The following JPH4 variants were observed in gnomAD, a reference collection of about 807,000 sequenced individuals.
The protein encoded by JPH4 is junctophilin-4.
JPH4 carries 18 observed loss-of-function variants against 57.6 expected under a neutral mutation model. The observed-to-expected ratio is 0.31, with a 90% CI of 0.22 to 0.46. The LOEUF is 0.46. Ranked by LOEUF, JPH4 falls within the 20% of genes least tolerant of loss-of-function variation. The probability of loss-of-function intolerance (pLI) is 1.00; values close to 1 mark genes in which losing one functional copy is unlikely to be tolerated. For missense variants in JPH4, 727 were observed against 911.1 expected (o/e 0.80, Z 2.60); for synonymous variants, 425 against 406.6 (o/e 1.05, Z -0.54).
At position 23,577,265 on chromosome 14, in the gene JPH4, G is replaced by A. The variant is rs1186712456; in HGVS notation, c.189C>T (p.Gly63=). The A allele has an allele frequency of 3.3e-6, 5 of 1,537,532 alleles. No individual in the cohort carries two copies. The South Asian group carries it at 4.8e-5, about 15-fold the overall frequency. ...FTGPGGHSYQ[G]HWQQGKREGL... ...CTTCGCGCTTGCCCTGCTGCCAGTG[G>A]CCCTGGTAGCTGTGTCCGCCGGGCC... is the stretch of plus-strand genomic sequence containing the variant. Residue 63 remains glycine, a synonymous_variant, in exon 2 of 6, where the codon GGC becomes GGT. Transcript: ENST00000356300. The surrounding 1 kb of genome is among the most constrained non-coding windows in gnomAD (Gnocchi z 8.4).
Position 23,571,150 on chromosome 14 carries a change from G to A in JPH4, c.1581C>T (p.Asp527=), listed in dbSNP as rs775876728. 17 of 1,613,964 alleles carry A rather than the reference G, an allele frequency of 1.1e-5. No individual in the cohort carries two copies. Among genetic ancestry groups the A allele is most frequent in the Middle Eastern group, 1.6e-4 (1 of 6,082 alleles). The change falls in exon 5 of 6, where the codon GAC becomes GAT. Residue 527 remains aspartate, a synonymous_variant. Transcript: ENST00000356300. The surrounding 1 kb of genome is among the most constrained non-coding windows in gnomAD (Gnocchi z 4.6). ...TGCAGCCTCCGAGGAGTGGGGAACC[G>A]TCTCTGGGCCCTGGCCCTTGCATCC... ...EAGMQGPGPR[D]GSPLLGGCSD... is the part of the protein sequence containing the mutation.
Position 23,576,362 on chromosome 14 carries a change from G to C in JPH4, c.474C>G (p.Pro158=). The change falls in exon 3 of 6, where the codon CCC becomes CCG. Residue 158 remains proline (P), a synonymous_variant. Transcript: ENST00000356300. This position sits in a 1 kb window ranked among gnomAD's most constrained non-coding sequence, Gnocchi z 8.0. ...PYHQAALLRS[P]RRTSLDSGHS... is the part of the protein sequence containing the mutation. ...GGCCGGAATCCAGGGAGGTGCGGCG[G>C]GGCGAGCGCAGCAGCGCCGCCTGAT... 1.5e-6 allele frequency: 2 copies of C among 1,339,024 alleles called. No individual in the cohort carries two copies. The highest frequency in any genetic ancestry group is 1.9e-6 in the Non-Finnish European group (2 of 1,049,322). 82.9% of individuals were successfully genotyped at this position (1,339,024 alleles called of 1,614,324 possible).
At chr14:23,573,291 C>A (rs1889197185) in intron 3 of JPH4, among the ~76,000 whole-genome samples, 1 of 152,230 alleles carries the variant, frequency 6.6e-6, no homozygotes, top group Non-Finnish European at 1.5e-5. Context: ...CGTGGCTCTT[C>A]TGTCTTAGGA....
rs61977723 is a variant in JPH4 at position 23,568,849 on chromosome 14, G to C, written c.*785C>G. 1 of 971,154 alleles carries C rather than the reference G, an allele frequency of 1.0e-6. No homozygotes were observed. The highest frequency in any genetic ancestry group is 1.8e-5 in the African/African-American group (1 of 56,930). The allele number at this position is 971,154 out of a possible 1,614,324, so 60.2% of individuals were successfully genotyped here. A position where few individuals can be genotyped will look rare whatever the true frequency, so the allele number is the denominator to read the frequency against. On this transcript the variant is annotated 3_prime_UTR_variant, in exon 6 of 6. Coordinates refer to ENST00000356300, the MANE Select transcript of JPH4 (RefSeq NM_001146028.2). ...TGGGAGAAGTCAGTGGCAAAGTCTG[G>C]GCAGGGTGGACTTGACTGCATTGGA...
At position 23,571,307 on chromosome 14, in the gene JPH4, G is replaced by C; in HGVS notation, c.1424C>G (p.Ala475Gly). The C allele has an allele frequency of 6.3e-7, 1 of 1,596,278 alleles. No individual in the cohort carries two copies. Among genetic ancestry groups the C allele is most frequent in the Non-Finnish European group, 8.5e-7 (1 of 1,172,010 alleles). ...TCCAGGAGGCAGTGGGCTCCGGCAG[G>C]CAGGGGGTCGCCAGGGTTGGCGGGA... is the stretch of plus-strand genomic sequence containing the variant. ...ASSRQPWRPP[A>G]CRSPLPPGGD... The change falls in exon 5 of 6, where the codon GCC becomes GGC. Residue 475 changes from alanine (A) to glycine (G), a missense_variant. Physicochemically the swap from Ala to Gly is moderately conservative, Grantham distance 60 (BLOSUM62 0). Coordinates refer to ENST00000356300, the MANE Select transcript of JPH4 (RefSeq NM_001146028.2). This position sits in a 1 kb window ranked among gnomAD's most constrained non-coding sequence, Gnocchi z 4.6.
Position 23,576,926 on chromosome 14 carries a change from A to G in JPH4, c.379+149T>C. ...AAGCATAATCATGGTGGGAGAGAGC[A>G]GAAATTGGGGGCTGGGGGTCACATC... is the stretch of plus-strand genomic sequence containing the variant. On this transcript the variant is annotated intron_variant, in intron 2 of 5. Transcript: ENST00000356300. This position sits in a 1 kb window ranked among gnomAD's most constrained non-coding sequence, Gnocchi z 8.0. 1.1e-6 allele frequency: 1 copy of G among 916,232 alleles called. No individual in the cohort carries two copies. The highest frequency in any genetic ancestry group is 1.5e-6 in the Non-Finnish European group (1 of 646,728). 56.8% of individuals were successfully genotyped at this position (916,232 alleles called of 1,614,324 possible).
chr14:23,568,529 T>C lies in JPH4; in HGVS notation c.*1105A>G. The C allele has an allele frequency of 2.0e-6, 2 of 985,758 alleles. No individual in the cohort carries two copies. The highest frequency in any genetic ancestry group is 2.4e-6 in the Non-Finnish European group (2 of 829,960). 61.1% of individuals were successfully genotyped at this position (985,758 alleles called of 1,614,324 possible). ...TATCTTTGATCCCCTCCTTCTGTTG[T>C]TTTCCCATTTCACAAGATTCTGATG... On this transcript the variant is annotated 3_prime_UTR_variant, in exon 6 of 6. Coordinates refer to ENST00000356300, the MANE Select transcript of JPH4 (RefSeq NM_001146028.2).
chr14:23,574,230 A>G (rs377672604), intron 3 of JPH4, among the ~76,000 whole-genome samples: 1 of 150,170 alleles, frequency 6.7e-6, no homozygotes, highest in African/African-American at 2.5e-5. Flanking sequence ...GCTAGAGTGC[A>G]GTGGCGTGGT....
Position 23,576,467 on chromosome 14 carries a change from C to G in JPH4, c.380-11G>C, listed in dbSNP as rs761562737. The G allele has an allele frequency of 2.9e-6, 4 of 1,401,102 alleles. No homozygotes were observed. The Admixed American group carries it at 9.2e-5, about 32-fold the overall frequency. The allele number at this position is 1,401,102 out of a possible 1,614,324, so 86.8% of individuals were successfully genotyped here. ...GGCCCTGGTAGGTGCCTGCGGGCGG[C>G]GGAGGGGTGGGAGAAAGAGTCAGGA... On this transcript the variant is annotated splice_polypyrimidine_tract_variant and intron_variant, in intron 2 of 5. Coordinates refer to ENST00000356300, the MANE Select transcript of JPH4 (RefSeq NM_001146028.2). This position sits in a 1 kb window ranked among gnomAD's most constrained non-coding sequence, Gnocchi z 8.0.
At chr14:23,574,590 G>A (rs767413461) in intron 3 of JPH4, among the ~76,000 whole-genome samples, 1 of 152,200 alleles carries the variant, frequency 6.6e-6, no homozygotes, top group Non-Finnish European at 1.5e-5. Flanking sequence ...TTTAAGGGGC[G>A]GTCCCGTGCT....
In JPH4 at chr14:23,575,988, G is replaced by A. The variant is rs758978037; in HGVS notation, c.848C>T (p.Ala283Val). Residue 283 changes from alanine (A) to valine (V), a missense_variant, in exon 3 of 6, where the codon GCG becomes GTG. Physicochemically the swap from Ala to Val is moderately conservative, Grantham distance 64 (BLOSUM62 0). This residue lies in a region of JPH4 where 112 missense variants were observed against 199.4 expected (regional missense o/e 0.56). Coordinates refer to ENST00000356300, the MANE Select transcript of JPH4 (RefSeq NM_001146028.2). The surrounding 1 kb of genome is among the most constrained non-coding windows in gnomAD (Gnocchi z 6.9). ...LIEGSATEVYAGEWRADRRSG... is the reference protein window; with the variant it reads ...LIEGSATEVYVGEWRADRRSG... ...GCGCCGATCTGCGCGCCACTCGCCC[G>A]CGTACACCTCTGTGGCCGAGCCCTC... 4.0e-6 allele frequency: 6 copies of A among 1,499,660 alleles called. No homozygotes were observed. Among genetic ancestry groups the A allele is most frequent in the Non-Finnish European group, 2.6e-6 (3 of 1,135,844 alleles). The allele number at this position is 1,499,660 out of a possible 1,614,324, so 92.9% of individuals were successfully genotyped here. A position where few individuals can be genotyped will look rare whatever the true frequency, so the allele number is the denominator to read the frequency against.
chr14:23,568,056 T>A lies in JPH4; in HGVS notation c.*1578A>T. Reference sequence around the variant, plus strand: ...CCCCCCCTTTTTTGAACTTTTTTATTAATATATTTTTTTTGTTAAATTTCT... The same window carrying A: ...CCCCCCCTTTTTTGAACTTTTTTATAAATATATTTTTTTTGTTAAATTTCT... On this transcript the variant is annotated 3_prime_UTR_variant, in exon 6 of 6. Transcript: ENST00000356300. The A allele has an allele frequency of 1.0e-6, 1 of 983,756 alleles. No individual in the cohort carries two copies. The highest frequency in any genetic ancestry group is 1.2e-6 in the Non-Finnish European group (1 of 828,010). The allele number at this position is 983,756 out of a possible 1,614,324, so 60.9% of individuals were successfully genotyped here. A position where few individuals can be genotyped will look rare whatever the true frequency, so the allele number is the denominator to read the frequency against.
In JPH4 at chr14:23,576,204, C is replaced by G; in HGVS notation, c.632G>C (p.Arg211Pro). The G allele has an allele frequency of 7.8e-7, 1 of 1,284,116 alleles. No individual in the cohort carries two copies. Among genetic ancestry groups the G allele is most frequent in the African/African-American group, 1.5e-5 (1 of 64,640 alleles). 79.5% of individuals were successfully genotyped at this position (1,284,116 alleles called of 1,614,324 possible). ...AAAGAATCCGCCGGCCGCCGGAGTG[C>G]GCTTTCGGGACGACGCGCCGTCGGC... is the stretch of plus-strand genomic sequence containing the variant. Reference protein sequence around the residue: ...GDADGASSRKRTPAAGGFFRR... With the variant: ...GDADGASSRKPTPAAGGFFRR... The change falls in exon 3 of 6, where the codon CGC becomes CCC. Residue 211 changes from arginine (R) to proline (P), a missense_variant. Arg to Pro is a moderately radical substitution (Grantham distance 103). This residue lies in a region of JPH4 where 131 missense variants were observed against 156.5 expected (regional missense o/e 0.84). Transcript: ENST00000356300. This position sits in a 1 kb window ranked among gnomAD's most constrained non-coding sequence, Gnocchi z 8.0.
intron 3 of JPH4, chr14:23,572,962 C>T (rs552590147): frequency 1.7e-5 from 12 of 702,434 alleles, no homozygotes; most frequent in Admixed American, 1.2e-4. Context: ...TGCTGTTAAT[C>T]GTAGATGCCT....
chr14:23,575,810 G>T lies in JPH4; in HGVS notation c.1026C>A (p.Arg342=). The stretch of plus-strand genomic sequence containing the variant: ...GGGCCAGAGGCAGGAGACTGCGGAC[G>T]CGCCCGCCGTGCACCAGCCGGTTGC... ...YKRNRLVHGG[R]VRSLLPLALR... Residue 342 remains arginine (R), a synonymous_variant, in exon 3 of 6, where the codon CGC becomes CGA. Transcript: ENST00000356300. The surrounding 1 kb of genome is among the most constrained non-coding windows in gnomAD (Gnocchi z 6.9). 1 of 1,579,350 alleles carries T rather than the reference G, an allele frequency of 6.3e-7. No individual in the cohort carries two copies. The highest frequency in any genetic ancestry group is 8.6e-7 in the Non-Finnish European group (1 of 1,165,230).
Position 23,570,953 on chromosome 14 carries a change from G to C in JPH4, c.1778C>G (p.Ala593Gly), listed in dbSNP as rs746784634. 5 of 1,518,108 alleles carry C rather than the reference G, an allele frequency of 3.3e-6. No individual in the cohort carries two copies. The South Asian group carries it at 5.3e-5, about 16-fold the overall frequency. The allele number at this position is 1,518,108 out of a possible 1,614,324, so 94.0% of individuals were successfully genotyped here. The change falls in exon 5 of 6, where the codon GCT becomes GGT. Residue 593 changes from alanine to glycine, a missense_variant. Physicochemically the swap from Ala to Gly is moderately conservative, Grantham distance 60. Around this residue, in one of 7 missense-constraint regions of JPH4, gnomAD observed 293 missense variants for 279.8 expected, o/e 1.05. Coordinates refer to ENST00000356300, the MANE Select transcript of JPH4 (RefSeq NM_001146028.2). ...CGGCTGGGCAGGCCTCTCGGTTGCAGCGGGCTCCCCGAGCTCTTCTGTCAG... is the reference window on the plus strand; with the variant it reads ...CGGCTGGGCAGGCCTCTCGGTTGCACCGGGCTCCCCGAGCTCTTCTGTCAG... ...GCLTEELGEP[A>G]ATERPAQPGA... is the part of the protein sequence containing the mutation.
rs1420031965 is a variant in JPH4, at chr14:23,578,000, A to G, written c.-172+180T>C. 1 of 143,492 alleles carries G rather than the reference A, an allele frequency of 7.0e-6. No homozygotes were observed. Among genetic ancestry groups the G allele is most frequent in the African/African-American group, 2.6e-5 (1 of 38,722 alleles). The allele number at this position is 143,492 out of a possible 1,614,324, so 8.9% of individuals were successfully genotyped here. On this transcript the variant is annotated intron_variant, in intron 1 of 5. Coordinates refer to ENST00000356300, the MANE Select transcript of JPH4 (RefSeq NM_001146028.2). This position sits in a 1 kb window ranked among gnomAD's most constrained non-coding sequence, Gnocchi z 8.4. ...GCCCCGGTTCTTCGGCGTCTCTGGCAAAGGGATGGGGGTGGGGGGTAGAAT... is the reference window on the plus strand; with the variant it reads ...GCCCCGGTTCTTCGGCGTCTCTGGCGAAGGGATGGGGGTGGGGGGTAGAAT...
Position 23,571,591 on chromosome 14 carries a change from C to G in JPH4, c.1271-131G>C, listed in dbSNP as rs777488704. On this transcript the variant is annotated intron_variant, in intron 4 of 5. Coordinates refer to ENST00000356300, the MANE Select transcript of JPH4 (RefSeq NM_001146028.2). This position sits in a 1 kb window ranked among gnomAD's most constrained non-coding sequence, Gnocchi z 4.6. ...GCTCATAGCCTCTCACCGCCAGACCCCAAACCCCCCATTATCCTACTGCAT... is the reference window on the plus strand; with the variant it reads ...GCTCATAGCCTCTCACCGCCAGACCGCAAACCCCCCATTATCCTACTGCAT... 8.4e-7 allele frequency: 1 copy of G among 1,184,640 alleles called. No individual in the cohort carries two copies. The highest frequency in any genetic ancestry group is 1.2e-6 in the Non-Finnish European group (1 of 840,290). 73.4% of individuals were successfully genotyped at this position (1,184,640 alleles called of 1,614,324 possible). A position where few individuals can be genotyped will look rare whatever the true frequency, so the allele number is the denominator to read the frequency against.
Position 23,576,199 on chromosome 14 carries a change from G to A in JPH4, c.637C>T (p.Pro213Ser), listed in dbSNP as rs1019468512. 3 of 1,288,512 alleles carry A rather than the reference G, an allele frequency of 2.3e-6. No homozygotes were observed. Among genetic ancestry groups the A allele is most frequent in the Admixed American group, 4.0e-5 (1 of 24,950 alleles). The allele number at this position is 1,288,512 out of a possible 1,614,324, so 79.8% of individuals were successfully genotyped here. The change falls in exon 3 of 6, where the codon CCG becomes TCG. Residue 213 changes from proline to serine, a missense_variant. Pro to Ser is a moderately conservative substitution (Grantham distance 74). Transcript: ENST00000356300. The surrounding 1 kb of genome is among the most constrained non-coding windows in gnomAD (Gnocchi z 8.0). ...CGGCGAAAGAATCCGCCGGCCGCCG[G>A]AGTGCGCTTTCGGGACGACGCGCCG... ...ADGASSRKRTPAAGGFFRRSL... is the reference protein window; with the variant it reads ...ADGASSRKRTSAAGGFFRRSL...
Sources: allele counts gnomAD v4.1 joint callset (sites outside exome capture counted in the v4.1 genomes callset), GRCh38; gene constraint gnomAD v4.1.1; regional missense constraint gnomAD v4.1.1; non-coding constraint Gnocchi (gnomAD v3.1); transcripts MANE v1.5; gene names NCBI Gene and HGNC (gene_info 2026-07-23, HGNC 2026-07-21).